Variants in CTNNA3 observed in about 807,000 individuals in gnomAD.
CTNNA3 encodes catenin alpha-3.
In CTNNA3, 76 loss-of-function variants were observed where a neutral mutation model predicts 95.7. The observed-to-expected ratio is 0.79, with a 90% CI of 0.66 to 0.96. CTNNA3 has a LOEUF of 0.96. Among genes scored for constraint, CTNNA3 ranks in the 40% least tolerant of loss-of-function variants. CTNNA3 has a pLI of 0.00. For synonymous variants in CTNNA3, 431 were observed against 374.4 expected, an observed-to-expected ratio of 1.15 and a Z score of -1.74; for missense variants, 1,191 against 1,089.8, an observed-to-expected ratio of 1.09 and a Z score of -1.31.
chr10:66,158,963 C>T (rs956438177), intron 13 of CTNNA3, among the ~76,000 whole-genome samples: 1 of 151,778 alleles, frequency 6.6e-6, no homozygotes, highest in East Asian at 1.9e-4. Context: ...TCTGCTTGGT[C>T]GCTGTTGTTG....
intron 7 of CTNNA3, among the ~76,000 whole-genome samples, chr10:67,077,115 A>C (rs1252389831): frequency 2.6e-5 from 4 of 152,068 alleles, no homozygotes; most frequent in Non-Finnish European, 5.9e-5. Flanking sequence ...TCACTCCTGA[A>C]ACCTGCTAAA....
At chr10:67,754,552 G>T (rs1841423569) in intron 1 of CTNNA3, among the ~76,000 whole-genome samples, 1 of 152,130 alleles carries the variant, frequency 6.6e-6, no homozygotes, top group South Asian at 2.1e-4. Flanking sequence ...AAAGACTTAA[G>T]TCTAAGACCT....
chr10:66,708,545 C>A (rs937722686), intron 9 of CTNNA3, among the ~76,000 whole-genome samples: 1 of 150,988 alleles, frequency 6.6e-6, no homozygotes, highest in African/African-American at 2.4e-5. Flanking sequence ...TCCAAATGCA[C>A]TCTCATTCCA....
chr10:66,024,085 A>ACTTTTTTTTTTTTTTT (rs2079282708), intron 15 of CTNNA3, among the ~76,000 whole-genome samples: 2 of 87,750 alleles, frequency 2.3e-5, no homozygotes, highest in Non-Finnish European at 4.2e-5. Context: ...TACCATACAC[A>ACTTTTTTTTTTTTTTT]TTTTTTTTTT....
At chr10:66,885,709 AC>A (rs1845017591) in intron 7 of CTNNA3, among the ~76,000 whole-genome samples, 1 of 152,188 alleles carries the variant, frequency 6.6e-6, no homozygotes, top group Admixed American at 6.6e-5. Context: ...TGCATTCAGT[AC>A]ATATCTTAAA....
At chr10:66,420,069 G>A (rs2093178829) in intron 11 of CTNNA3, among the ~76,000 whole-genome samples, 1 of 152,080 alleles carries the variant, frequency 6.6e-6, no homozygotes, top group Non-Finnish European at 1.5e-5. Context: ...CTTCTGCATA[G>A]CAAAGGAAAC....
intron 9 of CTNNA3, among the ~76,000 whole-genome samples, chr10:66,673,874 A>G (rs1846752071): frequency 6.6e-6 from 1 of 152,026 alleles, no homozygotes; most frequent in African/African-American, 2.4e-5. Context: ...TTCAATGGCA[A>G]TTTGATTCTT....
intron 9 of CTNNA3, among the ~76,000 whole-genome samples, chr10:66,625,735 C>A (rs2132329009): frequency 6.6e-6 from 1 of 152,186 alleles, no homozygotes; most frequent in African/African-American, 2.4e-5. Flanking sequence ...GTCATGATTT[C>A]CATTTGCTGG....
At chr10:66,490,901 G>A (rs1589325350) in intron 11 of CTNNA3, among the ~76,000 whole-genome samples, 1 of 152,160 alleles carries the variant, frequency 6.6e-6, no homozygotes, top group South Asian at 2.1e-4. Flanking sequence ...ATGATGTAGT[G>A]AGAAATAAAC....
chr10:67,346,596 A>C (rs1327139601), intron 5 of CTNNA3: 2 of 307,820 alleles, frequency 6.5e-6, no homozygotes, highest in Non-Finnish European at 1.4e-5. Context: ...TTGGACCTTA[A>C]AGGGCACACT....
At chr10:66,457,240 A>C (rs1347099512) in intron 11 of CTNNA3, among the ~76,000 whole-genome samples, 1 of 152,192 alleles carries the variant, frequency 6.6e-6, no homozygotes, top group Non-Finnish European at 1.5e-5. Flanking sequence ...TTTGCTTTAC[A>C]AAAGACACTA....
intron 15 of CTNNA3, among the ~76,000 whole-genome samples, chr10:66,006,024 T>C (rs1013963564): frequency 6.7e-6 from 1 of 150,108 alleles, no homozygotes; most frequent in African/African-American, 2.5e-5. Context: ...TTTTTTTTTT[T>C]TTTTCCGAGA....
At chr10:66,215,995 G>A (rs78028066) in intron 13 of CTNNA3, among the ~76,000 whole-genome samples, 17,236 of 152,296 alleles carry the variant, frequency 0.11, 1,006 homozygotes, top group East Asian at 0.14. Context: ...TTTACTTTCA[G>A]TTATTTTATT....
At chr10:66,004,307 C>A (rs541283311) in intron 15 of CTNNA3, among the ~76,000 whole-genome samples, 30 of 152,282 alleles carry the variant, frequency 2.0e-4, no homozygotes, top group Middle Eastern at 3.4e-3. Flanking sequence ...CTACCTGAAC[C>A]AATCCCAAGG....
chr10:66,921,355 C>T (rs539414634), intron 7 of CTNNA3, among the ~76,000 whole-genome samples: 1 of 152,146 alleles, frequency 6.6e-6, no homozygotes, highest in Non-Finnish European at 1.5e-5. Context: ...TAAATGAGAA[C>T]ATCCGATCCA....
intron 5 of CTNNA3, among the ~76,000 whole-genome samples, chr10:67,446,005 G>C (rs1159456554): frequency 2.0e-5 from 3 of 152,124 alleles, no homozygotes; most frequent in African/African-American, 7.2e-5. Context: ...TTGACACACT[G>C]ACCTGTTCCC....
At chr10:66,815,317 T>C (rs1197306989) in intron 7 of CTNNA3, among the ~76,000 whole-genome samples, 1 of 152,040 alleles carries the variant, frequency 6.6e-6, no homozygotes, top group African/African-American at 2.4e-5. Context: ...CCTATTCCCA[T>C]CCCCTCCCTT....
intron 3 of CTNNA3, among the ~76,000 whole-genome samples, chr10:67,559,824 G>C (rs1841422922): frequency 1.3e-5 from 2 of 152,158 alleles, no homozygotes; most frequent in African/African-American, 4.8e-5. Flanking sequence ...CAAGGTTCGA[G>C]AATTACGTGA....
chr10:67,759,497 A>G (rs1421660539), intron 1 of CTNNA3, among the ~76,000 whole-genome samples: 3 of 152,166 alleles, frequency 2.0e-5, no homozygotes, highest in African/African-American at 4.8e-5. Flanking sequence ...TCATAATACA[A>G]TTGTGTAAAA....
Sources: gnomAD v4.1 joint callset for allele counts (sites outside exome capture counted in the v4.1 genomes callset) on GRCh38, gnomAD v4.1.1 for gene constraint, MANE v1.5 for transcripts, NCBI Gene and HGNC (gene_info 2026-07-23, HGNC 2026-07-21) for gene names.